AGO4: variants seen among roughly 807,000 people sequenced by gnomAD.
AGO4 encodes the protein argonaute RISC component 4.
A neutral mutation model predicts 104.7 loss-of-function variants in AGO4; 33 were observed. The observed-to-expected ratio is 0.32, with a 90% CI of 0.24 to 0.42. AGO4 has a LOEUF of 0.42. AGO4 is among the 10% of genes least tolerant of loss of function. The pLI is 1.00. For missense variants in AGO4, 711 were observed against 1,083.4 expected (o/e 0.66, Z 4.83); for synonymous variants, 331 against 364.7 (o/e 0.91, Z 1.05).
intron 7 of AGO4, 53 bp from the exon 8 acceptor site, chr1:35,831,374 A>T (rs1644180589): frequency 6.5e-7 from 1 of 1,543,160 alleles, no homozygotes. Context: ...AAAGAAAAAG[A>T]AGAAAAGAAA....
Position 35,841,546 on chromosome 1 carries a change from C to T in AGO4, c.2040+66C>T, listed in dbSNP as rs1013434752. On this transcript the variant is annotated intron_variant, in intron 14 of 17. Transcript: ENST00000373210. This position sits in a 1 kb window ranked among gnomAD's most constrained non-coding sequence, Gnocchi z 4.7. The stretch of plus-strand genomic sequence containing the variant: ...GTCTGAGGGAGATTCCTCTCATCTA[C>T]CATTCTGGGTAGATCTGAGAGATAC... 1 of 1,609,344 alleles carries T rather than the reference C, an allele frequency of 6.2e-7. No homozygotes were observed. Among genetic ancestry groups the T allele is most frequent in the African/African-American group, 1.3e-5 (1 of 74,742 alleles).
At chr1:35,835,679 G>A (rs1644297264) in intron 12 of AGO4, among the ~76,000 whole-genome samples, 155 bp from the exon 13 acceptor site, 1 of 152,068 alleles carries the variant, frequency 6.6e-6, no homozygotes, top group African/African-American at 2.4e-5. Context: ...TTGCCCTGGG[G>A]GTTTAGCAGA....
Position 35,832,167 on chromosome 1 carries a change from G to A in AGO4, c.1227G>A (p.Met409Ile), listed in dbSNP as rs200535337. 1.7e-5 allele frequency: 27 copies of A among 1,613,370 alleles called. No individual in the cohort carries two copies. Among genetic ancestry groups the A allele is most frequent in the Non-Finnish European group, 2.2e-5 (26 of 1,179,876 alleles). Residue 409 changes from methionine to isoleucine, a missense_variant, in exon 10 of 18, where the codon ATG (methionine) becomes ATA (isoleucine). Physicochemically the swap from Met to Ile is conservative, Grantham distance 10. Around this residue, in one of 3 missense-constraint regions of AGO4, gnomAD observed 401 missense variants for 665.5 expected, o/e 0.60. Coordinates refer to ENST00000373210, the MANE Select transcript of AGO4 (RefSeq NM_017629.4). ...ELTGRVLPAP[M>I]LQYGGRNKTV... is the part of the protein sequence containing the mutation. Reference sequence around the variant, plus strand: ...CAGGCAGGGTACTTCCAGCACCAATGCTGCAATATGGAGGCCGGGTAAGCT... The same window carrying A: ...CAGGCAGGGTACTTCCAGCACCAATACTGCAATATGGAGGCCGGGTAAGCT...
intron 3 of AGO4, among the ~76,000 whole-genome samples, chr1:35,824,860 T>G (rs1051436348): frequency 2.0e-5 from 3 of 152,212 alleles, no homozygotes; most frequent in African/African-American, 7.2e-5. Flanking sequence ...CACATTGTTG[T>G]GCATCCATCA....
chr1:35,837,879 G>T (rs569616897), intron 13 of AGO4, among the ~76,000 whole-genome samples: 19 of 151,580 alleles, frequency 1.3e-4, no homozygotes, highest in Admixed American at 4.6e-4. Context: ...CTAAATTGTG[G>T]GTTTTCTGTT....
At chr1:35,839,872 T>C (rs898532192) in intron 13 of AGO4, among the ~76,000 whole-genome samples, 2 of 150,058 alleles carry the variant, frequency 1.3e-5, no homozygotes, top group African/African-American at 4.9e-5. Flanking sequence ...AAGGCTGAAG[T>C]GGGAGAATCA....
rs910983510 is a variant in AGO4, at chr1:35,835,415, TAAAG to T, written c.1565-411_1565-408del. 1.5e-4 allele frequency among the ~76,000 whole-genome samples: 23 copies of T among 152,070 alleles called. No individual in the cohort carries two copies. In the East Asian group the frequency reaches 3.1e-3, roughly 20 times the overall value. The stretch of plus-strand genomic sequence containing the variant: ...TCTCTCTACAGTTATCTCTAGTACT[TAAAG>T]AAAGAAAAAGGAAGCAAAACAAAAC... On this transcript the variant is annotated intron_variant, in intron 12 of 17. Transcript: ENST00000373210.
In AGO4 at chr1:35,854,557, G is replaced by A. The variant is rs145121227; in HGVS notation, c.*952G>A. On this transcript the variant is annotated 3_prime_UTR_variant, in exon 18 of 18. Transcript: ENST00000373210. ...ATGTAGTTTTCTAGATGAGATTTCA[G>A]TATGATTTTATCAGCTATTTCTTAT... The A allele has an allele frequency of 5.6e-3, 853 of 152,706 alleles. 7 individuals carry two copies. Among genetic ancestry groups the A allele is most frequent in the Admixed American group, 0.01 (159 of 15,296 alleles). The allele number at this position is 152,706 out of a possible 1,614,324, so 9.5% of individuals were successfully genotyped here. A position where few individuals can be genotyped will look rare whatever the true frequency, so the allele number is the denominator to read the frequency against.
chr1:35,814,953 C>T (rs1227891061), intron 1 of AGO4, among the ~76,000 whole-genome samples: 2 of 152,194 alleles, frequency 1.3e-5, no homozygotes, highest in Non-Finnish European at 2.9e-5. Flanking sequence ...TCTCAGCTCA[C>T]TGCAACCTCT....
Position 35,853,747 on chromosome 1 carries a change from C to T in AGO4, c.*142C>T. ...TCGGAATAGTTGCACTGAATCTATA[C>T]TTTGCAGCACTGTCTGATGCGTCAA... is the stretch of plus-strand genomic sequence containing the variant. On this transcript the variant is annotated 3_prime_UTR_variant, in exon 18 of 18. Coordinates refer to ENST00000373210, the MANE Select transcript of AGO4 (RefSeq NM_017629.4). The T allele has an allele frequency of 1.6e-6, 1 of 616,650 alleles. No individual in the cohort carries two copies. The highest frequency in any genetic ancestry group is 2.9e-6 in the Non-Finnish European group (1 of 350,118). 38.2% of individuals were successfully genotyped at this position (616,650 alleles called of 1,614,324 possible). A position where few individuals can be genotyped will look rare whatever the true frequency, so the allele number is the denominator to read the frequency against.
chr1:35,819,781 G>A (rs1571263378), intron 2 of AGO4, among the ~76,000 whole-genome samples: 1 of 143,718 alleles, frequency 7.0e-6, no homozygotes. Context: ...CCAGGTGACA[G>A]AGTGAGACTC....
intron 4 of AGO4, 42 bp downstream of exon 4, chr1:35,825,536 T>A (rs1643997934): frequency 6.3e-7 from 1 of 1,591,226 alleles, no homozygotes; most frequent in Non-Finnish European, 8.6e-7. Flanking sequence ...AATGTCAGAC[T>A]TTTTTGGTAG....
At chr1:35,817,194 C>T in intron 2 of AGO4, 147 bp downstream of exon 2, 1 of 782,922 alleles carries the variant, frequency 1.3e-6, no homozygotes, top group Non-Finnish European at 1.9e-6. Context: ...CTGTCTCATG[C>T]TTGGTTATCC....
At position 35,808,494 on chromosome 1, in the gene AGO4, C is replaced by G; in HGVS notation, c.19+59C>G. The stretch of plus-strand genomic sequence containing the variant: ...GGACCCGGGACCCGGGGCGGGCGGC[C>G]GGGACTTTCGCTGCCCCGTCGCCTC... On this transcript the variant is annotated intron_variant, in intron 1 of 17. Transcript: ENST00000373210. This position sits in a 1 kb window ranked among gnomAD's most constrained non-coding sequence, Gnocchi z 5.2. 4 of 1,174,224 alleles carry G rather than the reference C, an allele frequency of 3.4e-6. No individual in the cohort carries two copies. Among genetic ancestry groups the G allele is most frequent in the Non-Finnish European group, 4.2e-6 (4 of 948,800 alleles). The allele number at this position is 1,174,224 out of a possible 1,614,324, so 72.7% of individuals were successfully genotyped here.
At chr1:35,815,108 C>T (rs1178246880) in intron 1 of AGO4, among the ~76,000 whole-genome samples, 1 of 152,172 alleles carries the variant, frequency 6.6e-6, no homozygotes, top group East Asian at 1.9e-4. Context: ...AAACTGCTGA[C>T]CTCAGGTCAT....
rs376006355 is a variant in AGO4 at position 35,841,309 on chromosome 1, G to A, written c.1869G>A (p.Val623=). The change falls in exon 14 of 18, where the codon GTG becomes GTA. Residue 623 remains valine, a synonymous_variant. Transcript: ENST00000373210. This position sits in a 1 kb window ranked among gnomAD's most constrained non-coding sequence, Gnocchi z 4.7. ...GCCGGTACTGTGCCACCGTTCGGGT[G>A]CAGACTTCCCGGCAGGAGATCTCCC... is the stretch of plus-strand genomic sequence containing the variant. ...HPSRYCATVR[V]QTSRQEISQE... The A allele has an allele frequency of 3.1e-6, 5 of 1,614,090 alleles. No individual in the cohort carries two copies. Among genetic ancestry groups the A allele is most frequent in the Non-Finnish European group, 4.2e-6 (5 of 1,180,050 alleles).
chr1:35,841,349 A>G lies in AGO4; in HGVS notation c.1909A>G (p.Ser637Gly). 6.2e-7 allele frequency: 1 copy of G among 1,614,208 alleles called. No individual in the cohort carries two copies. The change falls in exon 14 of 18, where the codon AGT becomes GGT. Residue 637 changes from serine (S) to glycine (G), a missense_variant. Physicochemically the swap from Ser to Gly is moderately conservative, Grantham distance 56. Transcript: ENST00000373210. The surrounding 1 kb of genome is among the most constrained non-coding windows in gnomAD (Gnocchi z 4.7). ...GGAGATCTCCCAAGAGCTCCTCTAC[A>G]GTCAAGAGGTCATCCAGGACCTGAC... Reference protein sequence around the residue: ...RQEISQELLYSQEVIQDLTNM... With the variant: ...RQEISQELLYGQEVIQDLTNM...
chr1:35,834,133 A>G lies in AGO4; in HGVS notation c.1523A>G (p.Gln508Arg), dbSNP rs372203799. Reference protein sequence around the residue: ...KHLKMTYVGLQLIVVILPGKT... With the variant: ...KHLKMTYVGLRLIVVILPGKT... ...CTGAAAATGACTTATGTGGGCCTAC[A>G]GCTAATAGTGGTTATCCTGCCTGGA... is the stretch of plus-strand genomic sequence containing the variant. The change falls in exon 12 of 18, where the codon CAG becomes CGG. Residue 508 changes from glutamine to arginine, a missense_variant. This residue lies in a region of AGO4 where 401 missense variants were observed against 665.5 expected (regional missense o/e 0.60). Coordinates refer to ENST00000373210, the MANE Select transcript of AGO4 (RefSeq NM_017629.4). 1 of 1,608,608 alleles carries G rather than the reference A, an allele frequency of 6.2e-7. No individual in the cohort carries two copies. The highest frequency in any genetic ancestry group is 8.5e-7 in the Non-Finnish European group (1 of 1,177,870).
chr1:35,829,265 G>A (rs866500254), intron 7 of AGO4, among the ~76,000 whole-genome samples: 2 of 148,850 alleles, frequency 1.3e-5, no homozygotes, highest in South Asian at 4.2e-4. Flanking sequence ...TGGTAAATTG[G>A]TATTTCATGT....
Sources: allele counts gnomAD v4.1 joint callset (sites outside exome capture counted in the v4.1 genomes callset), GRCh38; gene constraint gnomAD v4.1.1; regional missense constraint gnomAD v4.1.1; non-coding constraint Gnocchi (gnomAD v3.1); transcripts MANE v1.5; gene names NCBI Gene and HGNC (gene_info 2026-07-23, HGNC 2026-07-21).